The following H2AC7 variants were observed in gnomAD, a reference collection of about 807,000 sequenced individuals.
H2AC7 encodes the protein H2A clustered histone 7.
In H2AC7, 15 loss-of-function variants were observed where a neutral mutation model predicts 8.3. The ratio of observed to expected loss-of-function variants is 1.81; its 90% CI spans 1.21 to 2.79. The LOEUF (loss-of-function observed/expected upper bound fraction) is 2.79. Among genes scored for constraint, H2AC7 ranks in the 30% most tolerant of loss-of-function variants. The pLI, the probability that H2AC7 is intolerant of heterozygous loss-of-function variation, is 0.00. For synonymous variants in H2AC7, 168 were observed against 80.1 expected, an observed-to-expected ratio of 2.10 and a Z score of -5.86; for missense variants, 283 against 175.2, an observed-to-expected ratio of 1.62 and a Z score of -3.47.
chr6:26,199,029 C>T lies in H2AC7; in HGVS notation c.215G>A (p.Arg72His), dbSNP rs1765059045. The T allele has an allele frequency of 1.2e-6, 2 of 1,613,896 alleles. No homozygotes were observed. Among genetic ancestry groups the T allele is most frequent in the Non-Finnish European group, 1.7e-6 (2 of 1,180,024 alleles). The change falls in exon 1 of 1, where the codon CGC (arginine) becomes CAC (histidine). Residue 72 changes from arginine to histidine, a missense_variant. Arg to His is a conservative substitution (Grantham distance 29). Transcript: ENST00000341023. ...EILELAGNAA[R>H]DNKKTRIIPR... ...GATGATGCGGGTCTTCTTGTTGTCG[C>T]GGGCGGCGTTGCCCGCCAGCTCCAG...
rs777278829 is a variant in H2AC7, at chr6:26,199,255, A to T, written c.-12T>A. ...CCGCGTCCGGACATTTTGAATTCTT[A>T]AAAACGATGTTAAGCAATGAAGACA... On this transcript the variant is annotated 5_prime_UTR_variant, in exon 1 of 1. Transcript: ENST00000341023. The T allele has an allele frequency of 3.1e-6, 5 of 1,591,798 alleles. No homozygotes were observed. The highest frequency in any genetic ancestry group is 4.3e-6 in the Non-Finnish European group (5 of 1,174,362).
rs201200903 is a variant in H2AC7, at chr6:26,199,116, C to A, written c.128G>T (p.Arg43Leu). ...ATACACTGGCGCGCCGGCCCCGACT[C>A]GCTCGGAGTAGTTGCCCTTGCGGAG... ...RLLRKGNYSE[R>L]VGAGAPVYLA... The change falls in exon 1 of 1, where the codon CGA (arginine) becomes CTA (leucine). Residue 43 changes from arginine (R) to leucine (L), a missense_variant. Transcript: ENST00000341023. The A allele has an allele frequency of 3.4e-4, 549 of 1,614,180 alleles. 1 individual carries two copies. Among genetic ancestry groups the A allele is most frequent in the Admixed American group, 7.3e-4 (44 of 60,024 alleles).
rs777723358 is a variant in H2AC7, at chr6:26,198,884, C to T, written c.360G>A (p.Lys120=). 3 of 1,614,192 alleles carry T rather than the reference C, an allele frequency of 1.9e-6. No homozygotes were observed. The highest frequency in any genetic ancestry group is 1.3e-5 in the African/African-American group (1 of 75,058). ...PNIQAVLLPK[K]TESHHKAKGK ...CCTTGGCCTTGTGGTGACTCTCAGT[C>T]TTCTTGGGGAGCAGTACAGCCTGGA... Residue 120 remains lysine, a synonymous_variant, in exon 1 of 1, where the codon AAG becomes AAA. Coordinates refer to ENST00000341023, the MANE Select transcript of H2AC7 (RefSeq NM_021065.3).
At position 26,198,881 on chromosome 6, in the gene H2AC7, A is replaced by T; in HGVS notation, c.363T>A (p.Thr121=). ...NIQAVLLPKK[T]ESHHKAKGK is the part of the protein sequence containing the mutation. Reference sequence around the variant, plus strand: ...TGCCCTTGGCCTTGTGGTGACTCTCAGTCTTCTTGGGGAGCAGTACAGCCT... The same window carrying T: ...TGCCCTTGGCCTTGTGGTGACTCTCTGTCTTCTTGGGGAGCAGTACAGCCT... The change falls in exon 1 of 1, where the codon ACT becomes ACA. Residue 121 remains threonine, a synonymous_variant. Coordinates refer to ENST00000341023, the MANE Select transcript of H2AC7 (RefSeq NM_021065.3). 6.2e-7 allele frequency: 1 copy of T among 1,614,056 alleles called. No homozygotes were observed. Among genetic ancestry groups the T allele is most frequent in the African/African-American group, 1.3e-5 (1 of 75,036 alleles).
chr6:26,199,289 A>T lies in H2AC7; in HGVS notation c.-46T>A. 6.4e-7 allele frequency: 1 copy of T among 1,568,864 alleles called. No homozygotes were observed. The highest frequency in any genetic ancestry group is 8.6e-7 in the Non-Finnish European group (1 of 1,163,734). ...GTTAAGCAATGAAGACAAAAATGTA[A>T]AAGTGAATTTTGTTAGCAAGTGAGA... On this transcript the variant is annotated 5_prime_UTR_variant, in exon 1 of 1. Transcript: ENST00000341023.
In H2AC7 at chr6:26,199,182, C is replaced by G; in HGVS notation, c.62G>C (p.Arg21Pro). ...ARAKAKTRSS[R>P]AGLQFPVGRV... Reference sequence around the variant, plus strand: ...GCCCACAGGGAACTGGAGTCCGGCCCGCGAAGAGCGGGTCTTAGCCTTAGC... The same window carrying G: ...GCCCACAGGGAACTGGAGTCCGGCCGGCGAAGAGCGGGTCTTAGCCTTAGC... Residue 21 changes from arginine (R) to proline (P), a missense_variant, in exon 1 of 1, where the codon CGG (arginine) becomes CCG (proline). By Grantham distance (103) the Arg-to-Pro change is moderately radical (BLOSUM62 -2). Transcript: ENST00000341023. The G allele has an allele frequency of 6.2e-7, 1 of 1,614,040 alleles. No individual in the cohort carries two copies. The highest frequency in any genetic ancestry group is 8.5e-7 in the Non-Finnish European group (1 of 1,179,962).
In H2AC7 at chr6:26,198,977, G is replaced by A. The variant is rs1223145998; in HGVS notation, c.267C>T (p.Arg89=). ...IIPRHLQLAI[R]NDEELNKLLG... ...GCAACTTGTTTAGCTCCTCGTCGTT[G>A]CGGATGGCCAGCTGCAGGTGTCGGG... Residue 89 remains arginine (R), a synonymous_variant, in exon 1 of 1, where the codon CGC becomes CGT. Transcript: ENST00000341023. 1.2e-6 allele frequency: 2 copies of A among 1,614,214 alleles called. No individual in the cohort carries two copies. The highest frequency in any genetic ancestry group is 2.2e-5 in the East Asian group (1 of 44,868).
At position 26,199,083 on chromosome 6, in the gene H2AC7, G is replaced by C. The variant is rs765226599; in HGVS notation, c.161C>G (p.Ala54Gly). Reference protein sequence around the residue: ...VGAGAPVYLAAVLEYLTAEIL... With the variant: ...VGAGAPVYLAGVLEYLTAEIL... Reference sequence around the variant, plus strand: ...CTCGGCGGTCAGGTACTCCAACACCGCCGCCAGATACACTGGCGCGCCGGC... The same window carrying C: ...CTCGGCGGTCAGGTACTCCAACACCCCCGCCAGATACACTGGCGCGCCGGC... Residue 54 changes from alanine (A) to glycine (G), a missense_variant, in exon 1 of 1, where the codon GCG (alanine) becomes GGG (glycine). Physicochemically the swap from Ala to Gly is moderately conservative, Grantham distance 60 (BLOSUM62 0). Transcript: ENST00000341023. 3.1e-6 allele frequency: 5 copies of C among 1,613,966 alleles called. No individual in the cohort carries two copies. The highest frequency in any genetic ancestry group is 1.7e-5 in the Admixed American group (1 of 59,992).
Position 26,198,859 on chromosome 6 carries a change from C to A in H2AC7, c.385G>T (p.Gly129Cys), listed in dbSNP as rs753426007. 1.2e-6 allele frequency: 2 copies of A among 1,613,404 alleles called. No individual in the cohort carries two copies. Among genetic ancestry groups the A allele is most frequent in the Non-Finnish European group, 1.7e-6 (2 of 1,179,810 alleles). ...ATATAAGAGTTCTCGTTTTACTTGCCCTTGGCCTTGTGGTGACTCTCAGTC... is the reference window on the plus strand; with the variant it reads ...ATATAAGAGTTCTCGTTTTACTTGCACTTGGCCTTGTGGTGACTCTCAGTC... ...KKTESHHKAK[G>C]K Residue 129 changes from glycine to cysteine, a missense_variant, in exon 1 of 1, where the codon GGC (glycine) becomes TGC (cysteine). Gly to Cys is a radical substitution (Grantham distance 159). Transcript: ENST00000341023.
rs746957898 is a variant in H2AC7, at chr6:26,199,111, C to T, written c.133G>A (p.Gly45Arg). Residue 45 changes from glycine to arginine, a missense_variant, in exon 1 of 1, where the codon GGG (glycine) becomes AGG (arginine). Coordinates refer to ENST00000341023, the MANE Select transcript of H2AC7 (RefSeq NM_021065.3). ...LRKGNYSERV[G>R]AGAPVYLAAV... ...GCCAGATACACTGGCGCGCCGGCCC[C>T]GACTCGCTCGGAGTAGTTGCCCTTG... is the stretch of plus-strand genomic sequence containing the variant. 1 of 1,614,172 alleles carries T rather than the reference C, an allele frequency of 6.2e-7. No homozygotes were observed. The highest frequency in any genetic ancestry group is 8.5e-7 in the Non-Finnish European group (1 of 1,180,022).
At position 26,199,134 on chromosome 6, in the gene H2AC7, T is replaced by C. The variant is rs754649939; in HGVS notation, c.110A>G (p.Lys37Arg). ...PVGRVHRLLR[K>R]GNYSERVGAG... ...CCCGACTCGCTCGGAGTAGTTGCCC[T>C]TGCGGAGCAAGCGGTGTACGCGGCC... Residue 37 changes from lysine (K) to arginine (R), a missense_variant, in exon 1 of 1, where the codon AAG becomes AGG. Transcript: ENST00000341023. 21 of 1,614,098 alleles carry C rather than the reference T, an allele frequency of 1.3e-5. No homozygotes were observed. In the African/African-American group the frequency reaches 1.5e-4, roughly 11 times the overall value.
In H2AC7 at chr6:26,198,806, T is replaced by C; in HGVS notation, c.*45A>G. ...ACATGGGTGGCTCTGAAAAGAGCCT[T>C]TGTTAAGACTGCTTCCTTAAAAAGC... is the stretch of plus-strand genomic sequence containing the variant. On this transcript the variant is annotated 3_prime_UTR_variant, in exon 1 of 1. Transcript: ENST00000341023. The C allele has an allele frequency of 1.3e-6, 2 of 1,587,186 alleles. No homozygotes were observed. The highest frequency in any genetic ancestry group is 1.7e-6 in the Non-Finnish European group (2 of 1,168,264).
chr6:26,199,118 C>T lies in H2AC7; in HGVS notation c.126G>A (p.Glu42=). ...HRLLRKGNYS[E]RVGAGAPVYL... is the part of the protein sequence containing the mutation. Reference sequence around the variant, plus strand: ...ACACTGGCGCGCCGGCCCCGACTCGCTCGGAGTAGTTGCCCTTGCGGAGCA... The same window carrying T: ...ACACTGGCGCGCCGGCCCCGACTCGTTCGGAGTAGTTGCCCTTGCGGAGCA... Residue 42 remains glutamate (E), a synonymous_variant, in exon 1 of 1, where the codon GAG becomes GAA. Transcript: ENST00000341023. 1 of 1,614,214 alleles carries T rather than the reference C, an allele frequency of 6.2e-7. No homozygotes were observed. Among genetic ancestry groups the T allele is most frequent in the East Asian group, 2.2e-5 (1 of 44,878 alleles).
rs938684945 is a variant in H2AC7, at chr6:26,199,176, C to A, written c.68G>T (p.Gly23Val). The A allele has an allele frequency of 4.3e-6, 7 of 1,613,952 alleles. No homozygotes were observed. Among genetic ancestry groups the A allele is most frequent in the African/African-American group, 4.0e-5 (3 of 74,948 alleles). Residue 23 changes from glycine (G) to valine (V), a missense_variant, in exon 1 of 1, where the codon GGA (glycine) becomes GTA (valine). Gly to Val is a moderately radical substitution (Grantham distance 109, BLOSUM62 -3). Transcript: ENST00000341023. ...AKAKTRSSRAGLQFPVGRVHR... is the reference protein window; with the variant it reads ...AKAKTRSSRAVLQFPVGRVHR... ...TACGCGGCCCACAGGGAACTGGAGT[C>A]CGGCCCGCGAAGAGCGGGTCTTAGC...
Position 26,199,233 on chromosome 6 carries a change from C to A in H2AC7, c.11G>T (p.Arg4Leu), listed in dbSNP as rs1765069290. ...TCGGGCCTTTCCGCCTTGCTTGCCG[C>A]GTCCGGACATTTTGAATTCTTAAAA... MSG[R>L]GKQGGKARAK... is the part of the protein sequence containing the mutation. Residue 4 changes from arginine to leucine, a missense_variant, in exon 1 of 1, where the codon CGC (arginine) becomes CTC (leucine). Physicochemically the swap from Arg to Leu is moderately radical, Grantham distance 102. Coordinates refer to ENST00000341023, the MANE Select transcript of H2AC7 (RefSeq NM_021065.3). 3 of 1,595,686 alleles carry A rather than the reference C, an allele frequency of 1.9e-6. No homozygotes were observed. The highest frequency in any genetic ancestry group is 2.6e-6 in the Non-Finnish European group (3 of 1,175,566).
chr6:26,198,872 G>T lies in H2AC7; in HGVS notation c.372C>A (p.His124Gln), dbSNP rs1765051990. The T allele has an allele frequency of 6.2e-7, 1 of 1,613,936 alleles. No homozygotes were observed. The highest frequency in any genetic ancestry group is 1.1e-5 in the South Asian group (1 of 91,070). The change falls in exon 1 of 1, where the codon CAC (histidine) becomes CAA (glutamine). Residue 124 changes from histidine (H) to glutamine (Q), a missense_variant. Physicochemically the swap from His to Gln is conservative, Grantham distance 24. Coordinates refer to ENST00000341023, the MANE Select transcript of H2AC7 (RefSeq NM_021065.3). ...AVLLPKKTES[H>Q]HKAKGK is the part of the protein sequence containing the mutation. Reference sequence around the variant, plus strand: ...CGTTTTACTTGCCCTTGGCCTTGTGGTGACTCTCAGTCTTCTTGGGGAGCA... The same window carrying T: ...CGTTTTACTTGCCCTTGGCCTTGTGTTGACTCTCAGTCTTCTTGGGGAGCA...
At position 26,198,840 on chromosome 6, in the gene H2AC7, G is replaced by A. The variant is rs544017356; in HGVS notation, c.*11C>T. ...CTGCTTCCTTAAAAAGCCAATATAA[G>A]AGTTCTCGTTTTACTTGCCCTTGGC... On this transcript the variant is annotated 3_prime_UTR_variant, in exon 1 of 1. Transcript: ENST00000341023. The A allele has an allele frequency of 2.5e-6, 4 of 1,610,850 alleles. No individual in the cohort carries two copies. The highest frequency in any genetic ancestry group is 2.7e-5 in the African/African-American group (2 of 74,700).
In H2AC7 at chr6:26,198,964, G is replaced by A. The variant is rs139406782; in HGVS notation, c.280C>T (p.Leu94=). The change falls in exon 1 of 1, where the codon CTA becomes TTA. Residue 94 remains leucine, a synonymous_variant. Coordinates refer to ENST00000341023, the MANE Select transcript of H2AC7 (RefSeq NM_021065.3). The part of the protein sequence containing the change: ...LQLAIRNDEE[L]NKLLGKVTIA... ...GTGACTTTACCCAGCAACTTGTTTA[G>A]CTCCTCGTCGTTGCGGATGGCCAGC... The A allele has an allele frequency of 1.9e-6, 3 of 1,614,236 alleles. No homozygotes were observed. The highest frequency in any genetic ancestry group is 1.7e-6 in the Non-Finnish European group (2 of 1,180,052).
At position 26,199,176 on chromosome 6, in the gene H2AC7, C is replaced by T; in HGVS notation, c.68G>A (p.Gly23Glu). Reference sequence around the variant, plus strand: ...TACGCGGCCCACAGGGAACTGGAGTCCGGCCCGCGAAGAGCGGGTCTTAGC... The same window carrying T: ...TACGCGGCCCACAGGGAACTGGAGTTCGGCCCGCGAAGAGCGGGTCTTAGC... The part of the protein sequence containing the change: ...AKAKTRSSRA[G>E]LQFPVGRVHR... Residue 23 changes from glycine (G) to glutamate (E), a missense_variant, in exon 1 of 1, where the codon GGA (glycine) becomes GAA (glutamate). Coordinates refer to ENST00000341023, the MANE Select transcript of H2AC7 (RefSeq NM_021065.3). 1 of 1,614,070 alleles carries T rather than the reference C, an allele frequency of 6.2e-7. No individual in the cohort carries two copies. The highest frequency in any genetic ancestry group is 8.5e-7 in the Non-Finnish European group (1 of 1,179,958).
Sources: allele counts gnomAD v4.1 joint callset, GRCh38; gene constraint gnomAD v4.1.1; transcripts MANE v1.5; gene names NCBI Gene and HGNC (gene_info 2026-07-23, HGNC 2026-07-21).